UBR1: variants seen among roughly 807,000 people sequenced by gnomAD.
UBR1 encodes the protein E3 ubiquitin-protein ligase UBR1.
A neutral mutation model predicts 242.1 loss-of-function variants in UBR1; 102 were observed. The observed-to-expected ratio is 0.42, with a 90% CI of 0.36 to 0.50. The LOEUF (loss-of-function observed/expected upper bound fraction) is 0.50, where lower values mean the gene tolerates loss of function less well. UBR1 is among the 20% of genes least tolerant of loss of function. The probability of loss-of-function intolerance (pLI) is 0.01; values close to 1 mark genes in which losing one functional copy is unlikely to be tolerated. For synonymous variants in UBR1, 675 were observed against 684.8 expected (o/e 0.99, Z 0.22); for missense variants, 1,772 against 2,101.8 (o/e 0.84, Z 3.07).
chr15:42,978,457 A>T (rs1161090466), intron 37 of UBR1, among the ~76,000 whole-genome samples: 1 of 152,246 alleles, frequency 6.6e-6, no homozygotes, highest in African/African-American at 2.4e-5. Flanking sequence ...AAATGCAAAC[A>T]GCTCAAAAGC....
intron 17 of UBR1, 48 bp downstream of exon 17, chr15:43,037,725 T>C (rs1275299770): frequency 2.6e-6 from 4 of 1,543,190 alleles, no homozygotes; most frequent in African/African-American, 2.7e-5. Flanking sequence ...GAGAAAAAAA[T>C]TAGAAAATGA....
chr15:43,015,408 G>A (rs377645621), intron 29 of UBR1, among the ~76,000 whole-genome samples: 4 of 152,038 alleles, frequency 2.6e-5, no homozygotes, highest in African/African-American at 9.7e-5. Flanking sequence ...TAAGGGCGGT[G>A]CAAGATGTGC....
rs549414094 is a variant in UBR1 at position 43,059,154 on chromosome 15, C to T, written c.1024G>A (p.Glu342Lys). ...RQIFCQACLREEPDSENPCLI... is the reference protein window; with the variant it reads ...RQIFCQACLRKEPDSENPCLI... ...CAGGGATTCTCCGAGTCAGGTTCTT[C>T]TCTAAGGCATGCTTGGCAAAAGATC... Residue 342 changes from glutamate (E) to lysine (K), a missense_variant, in exon 9 of 47, where the codon GAA (glutamate) becomes AAA (lysine). Glu to Lys is a moderately conservative substitution (Grantham distance 56). Coordinates refer to ENST00000290650, the MANE Select transcript of UBR1 (RefSeq NM_174916.3). 6.2e-7 allele frequency: 1 copy of T among 1,614,174 alleles called. No individual in the cohort carries two copies. The highest frequency in any genetic ancestry group is 1.3e-5 in the African/African-American group (1 of 75,058).
At chr15:43,081,529 A>G (rs2033975235) in intron 3 of UBR1, among the ~76,000 whole-genome samples, 1 of 152,024 alleles carries the variant, frequency 6.6e-6, no homozygotes, top group Admixed American at 6.6e-5. Context: ...ATATAGTAAC[A>G]TCTCATTGTT....
chr15:43,010,578 G>A (rs2032908333), intron 29 of UBR1, among the ~76,000 whole-genome samples: 2 of 152,118 alleles, frequency 1.3e-5, no homozygotes, highest in African/African-American at 4.8e-5. Flanking sequence ...TATAACCAGA[G>A]AACCTCTGAG....
intron 26 of UBR1, 85 bp from the exon 27 acceptor site, chr15:43,021,460 G>A: frequency 8.3e-7 from 1 of 1,207,606 alleles, no homozygotes; most frequent in Non-Finnish European, 1.2e-6. Flanking sequence ...GGACCCCTGT[G>A]GACATCAAAG....
chr15:42,960,307 A>G (rs1451747220), intron 43 of UBR1, among the ~76,000 whole-genome samples: 1 of 152,224 alleles, frequency 6.6e-6, no homozygotes, highest in African/African-American at 2.4e-5. Context: ...AAAGTGGCTT[A>G]TAGAAATATT....
In UBR1 at chr15:43,027,916, T is replaced by C. The variant is rs1400310784; in HGVS notation, c.2380-88A>G. 2.9e-6 allele frequency: 3 copies of C among 1,018,172 alleles called. No homozygotes were observed. The East Asian group carries it at 7.5e-5, about 25-fold the overall frequency. The allele number at this position is 1,018,172 out of a possible 1,614,324, so 63.1% of individuals were successfully genotyped here. ...TGAAATACATTTTCTACTGCATCTCTGAAGTACTTTGTAAATAATTTTAAA... is the reference window on the plus strand; with the variant it reads ...TGAAATACATTTTCTACTGCATCTCCGAAGTACTTTGTAAATAATTTTAAA... On this transcript the variant is annotated intron_variant, in intron 21 of 46. Transcript: ENST00000290650.
At chr15:43,095,141 TA>T (rs1487591614) in intron 1 of UBR1, among the ~76,000 whole-genome samples, 1 of 152,194 alleles carries the variant, frequency 6.6e-6, no homozygotes, top group Non-Finnish European at 1.5e-5. Context: ...AATCCTCTCT[TA>T]AATTACAAGG....
rs1431721911 is a variant in UBR1 at position 43,038,172 on chromosome 15, A to G, written c.1910T>C (p.Phe637Ser). 2 of 1,614,066 alleles carry G rather than the reference A, an allele frequency of 1.2e-6. No individual in the cohort carries two copies. Among genetic ancestry groups the G allele is most frequent in the Non-Finnish European group, 1.7e-6 (2 of 1,179,912 alleles). Residue 637 changes from phenylalanine to serine, a missense_variant and splice_region_variant, in exon 16 of 47, where the codon TTT becomes TCT. Transcript: ENST00000290650. The part of the protein sequence containing the change: ...AVSRLHEFVS[F>S]EDFQVEVLVE... The stretch of plus-strand genomic sequence containing the variant: ...TCAATACTTAGTAGAATCACTTACA[A>G]AAGACACAAATTCATGCAGTCTTGA...
intron 1 of UBR1, among the ~76,000 whole-genome samples, chr15:43,092,577 CAG>C (rs2034116754): frequency 6.6e-6 from 1 of 151,902 alleles, no homozygotes; most frequent in African/African-American, 2.4e-5. Flanking sequence ...TTTTCTAAGA[CAG>C]AGTCTTGCTC....
intron 6 of UBR1, among the ~76,000 whole-genome samples, chr15:43,067,120 T>C (rs2033763441): frequency 6.6e-6 from 1 of 152,228 alleles, no homozygotes; most frequent in South Asian, 2.1e-4. Context: ...AGAGTTGACT[T>C]ATGGTTATAG....
chr15:43,104,914 G>C (rs879492093), intron 1 of UBR1, among the ~76,000 whole-genome samples: 2 of 152,126 alleles, frequency 1.3e-5, no homozygotes, highest in African/African-American at 4.8e-5. Context: ...GGCTGAGGCA[G>C]GAGAATTCCT....
chr15:43,078,708 C>T (rs2033936560), intron 3 of UBR1, among the ~76,000 whole-genome samples: 1 of 152,110 alleles, frequency 6.6e-6, no homozygotes, highest in Non-Finnish European at 1.5e-5. Context: ...TGGCTCATGC[C>T]TGCAATCCCA....
At chr15:43,019,856 C>A (rs8035894) in intron 27 of UBR1, among the ~76,000 whole-genome samples, 2 of 151,048 alleles carry the variant, frequency 1.3e-5, no homozygotes, top group African/African-American at 4.9e-5. Context: ...CACCCGCCTC[C>A]GCCTCCCAAA....
At chr15:43,017,361 G>C (rs1399574170) in intron 27 of UBR1, among the ~76,000 whole-genome samples, 180 bp from the exon 28 acceptor site, 1 of 152,198 alleles carries the variant, frequency 6.6e-6, no homozygotes, top group Non-Finnish European at 1.5e-5. Flanking sequence ...TGGTCAATGA[G>C]CAATCCAGCT....
At chr15:42,952,222 A>AT in intron 45 of UBR1, 56 bp downstream of exon 45, 15 of 1,609,948 alleles carry the variant, frequency 9.3e-6, no homozygotes, top group Non-Finnish European at 1.3e-5. Context: ...TGACCCCCAG[A>AT]TTGGATCCAG....
At chr15:42,989,561 T>C (rs2032524529) in intron 34 of UBR1, among the ~76,000 whole-genome samples, 1 of 152,144 alleles carries the variant, frequency 6.6e-6, no homozygotes, top group Non-Finnish European at 1.5e-5. Flanking sequence ...TAATATCTGA[T>C]TTGGGTACAT....
At chr15:43,003,778 C>A in intron 31 of UBR1, 59 bp downstream of exon 31, 1 of 1,529,882 alleles carries the variant, frequency 6.5e-7, no homozygotes. Context: ...TTTTTGTGGC[C>A]TTGAGTGAAC....
Sources: gnomAD v4.1 joint callset for allele counts (sites outside exome capture counted in the v4.1 genomes callset) on GRCh38, gnomAD v4.1.1 for gene constraint, MANE v1.5 for transcripts, NCBI Gene and HGNC (gene_info 2026-07-23, HGNC 2026-07-21) for gene names.